Variants in CD36 observed in about 807,000 individuals in gnomAD.
The protein encoded by CD36 is platelet glycoprotein 4.
A neutral mutation model predicts 55.2 loss-of-function variants in CD36; 119 were observed. The observed-to-expected ratio is 2.15, with a 90% CI of 1.86 to 2.51. The LOEUF is 2.51. CD36 is among the 30% of genes most tolerant of loss of function. CD36 has a pLI of 0.00. For synonymous variants in CD36, 186 were observed against 193.6 expected (o/e 0.96, Z 0.33); for missense variants, 819 against 555.5 (o/e 1.47, Z -4.77).
At chr7:80,670,161 C>T in intron 9 of CD36, 139 bp downstream of exon 9, 1 of 668,604 alleles carries the variant, frequency 1.5e-6, no homozygotes, top group Admixed American at 2.5e-5. Context: ...CTGCATCTTC[C>T]AATTTTTAAT....
At position 80,617,396 on chromosome 7, in the gene CD36, A is replaced by T. The variant is rs1162258961; in HGVS notation, c.-184+15017A>T. 3.3e-5 allele frequency among the ~76,000 whole-genome samples: 5 copies of T among 152,092 alleles called. No individual in the cohort carries two copies. In the East Asian group the frequency reaches 5.8e-4, roughly 18 times the overall value. ...AACTTAAAAGTTAAAAAAAAAATAA[A>T]ATATATGTATCCTCAAAATAATTTT... On this transcript the variant is annotated intron_variant, in intron 1 of 13. Coordinates refer to the CD36 transcript ENST00000309881.
chr7:80,627,758 C>T (rs1793827966), intron 1 of CD36, among the ~76,000 whole-genome samples: 1 of 151,964 alleles, frequency 6.6e-6, no homozygotes, highest in Admixed American at 6.6e-5. Context: ...ATACATTTTA[C>T]AAAACTTTAT....
chr7:80,635,928 G>A (rs886907620), upstream of CD36, among the ~76,000 whole-genome samples: 2 of 152,056 alleles, frequency 1.3e-5, no homozygotes, highest in Non-Finnish European at 2.9e-5. Context: ...CCAACTATGA[G>A]CTTATTCTGT....
At chr7:80,604,964 T>A (rs1792460955) in intron 1 of CD36, among the ~76,000 whole-genome samples, 1 of 152,156 alleles carries the variant, frequency 6.6e-6, no homozygotes, top group Admixed American at 6.6e-5. Flanking sequence ...ACTGTAACTT[T>A]ATGTAAAATG....
Position 80,673,199 on chromosome 7 carries a change from A to G in CD36, c.1200-156A>G, listed in dbSNP as rs1356260465. 4 of 531,688 alleles carry G rather than the reference A, an allele frequency of 7.5e-6. No individual in the cohort carries two copies. In the Admixed American group the frequency reaches 1.4e-4, roughly 19 times the overall value. The allele number at this position is 531,688 out of a possible 1,614,324, so 32.9% of individuals were successfully genotyped here. A position where few individuals can be genotyped will look rare whatever the true frequency, so the allele number is the denominator to read the frequency against. On this transcript the variant is annotated intron_variant, in intron 12 of 14. Transcript: ENST00000447544. ...GTGATTAGAAGACATATAAGAGCAA[A>G]GGAAGTCAAAAACAACTATATTAAA...
intron 1 of CD36, chr7:80,624,040 TG>T (rs946950005): frequency 4.6e-5 from 7 of 152,076 alleles, no homozygotes; most frequent in Non-Finnish European, 1.0e-4. Flanking sequence ...CACTAGGAGG[TG>T]GGACTGACTG....
chr7:80,671,863 G>GTT, intron 10 of CD36, 59 bp from the exon 11 acceptor site: 14 of 1,501,010 alleles, frequency 9.3e-6, no homozygotes, highest in Non-Finnish European at 1.2e-5. Flanking sequence ...TATTTTTTGA[G>GTT]TTATATGTGA....
chr7:80,617,302 G>A (rs963602725), intron 1 of CD36, among the ~76,000 whole-genome samples: 2 of 151,954 alleles, frequency 1.3e-5, no homozygotes, highest in Admixed American at 6.6e-5. Context: ...CTTGGGTGAC[G>A]AAATAATCTA....
At chr7:80,636,937 G>A (rs1794458551), upstream of CD36, 2 of 152,018 alleles carry the variant, frequency 1.3e-5, no homozygotes, top group Non-Finnish European at 2.9e-5. Context: ...ATGGGACTCT[G>A]TGACATTTTC....
upstream of CD36, among the ~76,000 whole-genome samples, chr7:80,634,381 A>C (rs1193620281): frequency 6.6e-6 from 1 of 151,072 alleles, no homozygotes; most frequent in Non-Finnish European, 1.5e-5. Context: ...TGAACTGTTA[A>C]AAAAAATCGC....
chr7:80,662,461 T>A, intron 5 of CD36: 1 of 260,132 alleles, frequency 3.8e-6, no homozygotes, highest in Non-Finnish European at 8.3e-6. Flanking sequence ...ATTGGTCAGG[T>A]CACTGGCAGA....
intron 8 of CD36, among the ~76,000 whole-genome samples, chr7:80,668,522 A>G (rs767509149): frequency 1.4e-4 from 22 of 152,218 alleles, no homozygotes; most frequent in Non-Finnish European, 3.2e-4. Flanking sequence ...ATTGGTATAC[A>G]TTTAGAATGT....
Position 80,648,766 on chromosome 7 carries a change from A to G in CD36, c.120+1906A>G, listed in dbSNP as rs137976565. Among the ~76,000 whole-genome samples the G allele has an allele frequency of 1.9e-3, 283 of 152,226 alleles. 1 individual carries two copies. Among genetic ancestry groups the G allele is most frequent in the African/African-American group, 5.8e-3 (241 of 41,578 alleles). ...TCAGAGTATTCAAGAAACTTCAGGAAAAAGGTAGGACTTGATTCAGATTTT... is the reference window on the plus strand; with the variant it reads ...TCAGAGTATTCAAGAAACTTCAGGAGAAAGGTAGGACTTGATTCAGATTTT... On this transcript the variant is annotated intron_variant, in intron 3 of 14. Transcript: ENST00000447544.
rs114995555 is a variant in CD36 at position 80,607,183 on chromosome 7, C to T, written c.-184+4804C>T. On this transcript the variant is annotated intron_variant, in intron 1 of 13. Coordinates refer to the CD36 transcript ENST00000309881. ...CTGTCAACTCTCCCATGCAAAACTT[C>T]TGTACATAGTAACAGCAAGAGAGTT... is the stretch of plus-strand genomic sequence containing the variant. Among the ~76,000 whole-genome samples the T allele has an allele frequency of 6.9e-3, 1,056 of 152,212 alleles. 16 individuals are homozygous for T. Among genetic ancestry groups the T allele is most frequent in the African/African-American group, 0.024 (1,003 of 41,512 alleles).
intron 4 of CD36, 88 bp downstream of exon 4, chr7:80,656,788 A>G (rs949634430): frequency 6.8e-6 from 8 of 1,167,914 alleles, no homozygotes; most frequent in Non-Finnish European, 1.0e-5. Context: ...CATTGTATTG[A>G]AATGTACTTA....
In CD36 at chr7:80,674,006, G is replaced by A. The variant is rs780819673; in HGVS notation, c.1278G>A (p.Lys426=). The A allele has an allele frequency of 1.3e-5, 21 of 1,612,112 alleles. No homozygotes were observed. The highest frequency in any genetic ancestry group is 1.7e-5 in the Non-Finnish European group (20 of 1,178,702). ...LNETGTIGDE[K]ANMFRSQVTG... is the part of the protein sequence containing the mutation. ...AGACTGGGACCATTGGTGATGAGAA[G>A]GCAAACATGTTCAGAAGTCAAGTAA... The change falls in exon 14 of 15, where the codon AAG becomes AAA. Residue 426 remains lysine, a synonymous_variant. Transcript: ENST00000447544.
intron 4 of CD36, 24 bp from the exon 5 acceptor site, chr7:80,661,039 T>A (rs41274179): frequency 1.9e-6 from 3 of 1,576,152 alleles, no homozygotes; most frequent in Non-Finnish European, 2.6e-6. Flanking sequence ...ATGTTTTGAA[T>A]TTTGTTTACT....
In CD36 at chr7:80,663,029, A is replaced by T. The variant is rs761625379; in HGVS notation, c.469A>T (p.Ile157Phe). The change falls in exon 6 of 15, where the codon ATC (isoleucine) becomes TTC (phenylalanine). Residue 157 changes from isoleucine to phenylalanine, a missense_variant. Coordinates refer to ENST00000447544, the MANE Select transcript of CD36 (RefSeq NM_001001548.3). The part of the protein sequence containing the change: ...HIYQNQFVQM[I>F]LNSLINKSKS... The stretch of plus-strand genomic sequence containing the variant: ...CTATCAAAATCAATTTGTTCAAATG[A>T]TCCTCAATTCACTTATTAACAAGTC... The T allele has an allele frequency of 1.2e-6, 2 of 1,613,506 alleles. No homozygotes were observed. Among genetic ancestry groups the T allele is most frequent in the East Asian group, 4.5e-5 (2 of 44,760 alleles).
intron 13 of CD36, 64 bp downstream of exon 13, chr7:80,673,473 G>GTTTCAAAAGAATGTATAGTAT: frequency 1.1e-6 from 1 of 922,018 alleles, no homozygotes; most frequent in Non-Finnish European, 1.8e-6. Context: ...AGCTCTTGAT[G>GTTTCAAAAGAATGTATAGTAT]TTTCAAAAGA....
Sources: allele counts gnomAD v4.1 joint callset (sites outside exome capture counted in the v4.1 genomes callset), GRCh38; gene constraint gnomAD v4.1.1; transcripts MANE v1.5; gene names NCBI Gene and HGNC (gene_info 2026-07-23, HGNC 2026-07-21).